MAT2A: variants seen among roughly 807,000 people sequenced by gnomAD.
MAT2A encodes methionine adenosyltransferase 2A, also known as S-adenosylmethionine synthase isoform type-2.
In MAT2A, 3 loss-of-function variants were observed where a neutral mutation model predicts 43.9. That is an observed-to-expected ratio of 0.07 (90% CI 0.03 to 0.18). The LOEUF is 0.18. Ranked by LOEUF, MAT2A falls within the 10% of genes least tolerant of loss-of-function variation. The probability of loss-of-function intolerance (pLI) is 1.00; values close to 1 mark genes in which losing one functional copy is unlikely to be tolerated. For synonymous variants in MAT2A, 200 were observed against 168.4 expected, an observed-to-expected ratio of 1.19 and a Z score of -1.45; for missense variants, 204 against 489.0, an observed-to-expected ratio of 0.42 and a Z score of 5.50.
intron 1 of MAT2A, 32 bp from the exon 2 acceptor site, chr2:85,541,051 A>C: frequency 6.5e-7 from 1 of 1,537,550 alleles, no homozygotes; most frequent in Non-Finnish European, 9.0e-7. Flanking sequence ...TTTAAAGTTA[A>C]AGAAACTGAG....
Position 85,544,955 on chromosome 2 carries a change from C to G in MAT2A, c.*1183C>G, listed in dbSNP as rs1425680790. On this transcript the variant is annotated 3_prime_UTR_variant, in exon 9 of 9. Coordinates refer to ENST00000306434, the MANE Select transcript of MAT2A (RefSeq NM_005911.6). ...TTTAAAAGATTTTTTTTTTTTCTCT[C>G]AACACCATGATTCCTTTAACAACAT... 1 of 151,890 alleles carries G rather than the reference C, an allele frequency of 6.6e-6. No homozygotes were observed. Among genetic ancestry groups the G allele is most frequent in the Non-Finnish European group, 1.5e-5 (1 of 67,922 alleles). 9.4% of individuals were successfully genotyped at this position (151,890 alleles called of 1,614,324 possible).
rs1279278277 is a variant in MAT2A, at chr2:85,542,105, AC to A, written c.550-49del. On this transcript the variant is annotated intron_variant, in intron 5 of 8. Coordinates refer to ENST00000306434, the MANE Select transcript of MAT2A (RefSeq NM_005911.6). Reference sequence around the variant, plus strand: ...TGTAACTTCAGGTAGAGAAACAAATACAAAGTTATTGTTTGGTGTGATGTTC... The same window carrying A: ...TGTAACTTCAGGTAGAGAAACAAATAAAAGTTATTGTTTGGTGTGATGTTC... The A allele has an allele frequency of 2.5e-6, 4 of 1,586,064 alleles. No individual in the cohort carries two copies. In the African/African-American group the frequency reaches 5.4e-5, roughly 21 times the overall value.
chr2:85,539,735 C>T (rs892417864), intron 1 of MAT2A: 1 of 166,742 alleles, frequency 6.0e-6, no homozygotes, highest in Non-Finnish European at 1.3e-5. Flanking sequence ...TCTGACAAAC[C>T]TGGAGTGGGC....
Position 85,541,879 on chromosome 2 carries a change from A to T in MAT2A, c.456A>T (p.Leu152Phe). 6.2e-7 allele frequency: 1 copy of T among 1,614,252 alleles called. No individual in the cohort carries two copies. The highest frequency in any genetic ancestry group is 8.5e-7 in the Non-Finnish European group (1 of 1,180,032). ...ATDETEECMPLTIVLAHKLNA... is the reference protein window; with the variant it reads ...ATDETEECMPFTIVLAHKLNA... ...ATGAAACTGAGGAGTGTATGCCTTT[A>T]ACCATTGTCTTGGCACACAAGCTAA... The change falls in exon 5 of 9, where the codon TTA (leucine) becomes TTT (phenylalanine). Residue 152 changes from leucine to phenylalanine, a missense_variant. Around this residue, in one of 6 missense-constraint regions of MAT2A, gnomAD observed 103 missense variants for 226.4 expected, o/e 0.45. Coordinates refer to ENST00000306434, the MANE Select transcript of MAT2A (RefSeq NM_005911.6).
chr2:85,541,640 C>T lies in MAT2A; in HGVS notation c.300C>T (p.Asp100=). The T allele has an allele frequency of 6.2e-7, 1 of 1,605,144 alleles. No individual in the cohort carries two copies. The highest frequency in any genetic ancestry group is 1.3e-5 in the African/African-American group (1 of 74,564). The change falls in exon 4 of 9, where the codon GAC becomes GAT. Residue 100 remains aspartate, a synonymous_variant. Transcript: ENST00000306434. ...TGTGTTTTTTGCTTATAGGTTTTGA[C>T]TACAAGACTTGTAACGTGCTGGTAG... The part of the protein sequence containing the change: ...IGYDDSSKGF[D]YKTCNVLVAL...
rs530858793 is a variant in MAT2A, at chr2:85,544,802, C to T, written c.*1030C>T. On this transcript the variant is annotated 3_prime_UTR_variant, in exon 9 of 9. Coordinates refer to ENST00000306434, the MANE Select transcript of MAT2A (RefSeq NM_005911.6). ...GTGTAGCTACAGAGAAACCAGCTTC[C>T]TTCAGAGAGCAGTGCTTTTGGCGGG... 1 of 152,756 alleles carries T rather than the reference C, an allele frequency of 6.5e-6. No homozygotes were observed. Among genetic ancestry groups the T allele is most frequent in the East Asian group, 1.9e-4 (1 of 5,194 alleles). The allele number at this position is 152,756 out of a possible 1,614,324, so 9.5% of individuals were successfully genotyped here. A position where few individuals can be genotyped will look rare whatever the true frequency, so the allele number is the denominator to read the frequency against.
chr2:85,542,852 A>C (rs2043675), intron 7 of MAT2A, 49 bp from the exon 8 acceptor site: 17 of 1,594,570 alleles, frequency 1.1e-5, no homozygotes, highest in Middle Eastern at 1.8e-4. Flanking sequence ...TTATACAAGT[A>C]TATGGGTCTT....
In MAT2A at chr2:85,541,821, T is replaced by C; in HGVS notation, c.406-8T>C. ...GCTTGATCACATTGGTGACTTTTCT[T>C]TCTTTAGGGCTTAATGTTTGGCTAT... On this transcript the variant is annotated splice_polypyrimidine_tract_variant and splice_region_variant and intron_variant, in intron 4 of 8. Coordinates refer to ENST00000306434, the MANE Select transcript of MAT2A (RefSeq NM_005911.6). The C allele has an allele frequency of 9.9e-6, 16 of 1,613,858 alleles. No individual in the cohort carries two copies. The highest frequency in any genetic ancestry group is 1.4e-5 in the Non-Finnish European group (16 of 1,179,760).
In MAT2A at chr2:85,545,024, C is replaced by G. The variant is rs1033223988; in HGVS notation, c.*1252C>G. On this transcript the variant is annotated 3_prime_UTR_variant, in exon 9 of 9. Transcript: ENST00000306434. ...TAGGCCAAGGTGTCCTACAGAAAAA[C>G]CTTGGGTTAGACCTACAGGGGGTCT... The G allele has an allele frequency of 6.6e-6, 1 of 152,002 alleles. No homozygotes were observed. The allele number at this position is 152,002 out of a possible 1,614,324, so 9.4% of individuals were successfully genotyped here.
At chr2:85,542,849 A>T in intron 7 of MAT2A, 52 bp from the exon 8 acceptor site, 5 of 1,586,228 alleles carry the variant, frequency 3.2e-6, no homozygotes, top group Non-Finnish European at 4.3e-6. Flanking sequence ...GTATTATACA[A>T]GTATATGGGT....
Position 85,539,312 on chromosome 2 carries a change from C to T in MAT2A, c.25C>T (p.His9Tyr), listed in dbSNP as rs909244613. The change falls in exon 1 of 9, where the codon CAC becomes TAC. Residue 9 changes from histidine (H) to tyrosine (Y), a missense_variant. Around this residue, in one of 6 missense-constraint regions of MAT2A, gnomAD observed 36 missense variants for 24.2 expected, o/e 1.49. Transcript: ENST00000306434. MNGQLNGF[H>Y]EAFIEEGTFL... The stretch of plus-strand genomic sequence containing the variant: ...CATGAACGGACAGCTCAACGGCTTC[C>T]ACGAGGCGTTCATCGAGGAGGGCAC... 5 of 1,605,890 alleles carry T rather than the reference C, an allele frequency of 3.1e-6. No individual in the cohort carries two copies. The highest frequency in any genetic ancestry group is 4.2e-6 in the Non-Finnish European group (5 of 1,176,786).
At chr2:85,541,774 T>C in intron 4 of MAT2A, 29 bp downstream of exon 4, 1 of 1,613,690 alleles carries the variant, frequency 6.2e-7, no homozygotes, top group Middle Eastern at 1.6e-4. Context: ...TGTTTTAATC[T>C]CTTCTAACAT....
At chr2:85,541,607 C>A in intron 3 of MAT2A, 26 bp from the exon 4 acceptor site, 2 of 1,538,464 alleles carry the variant, frequency 1.3e-6, no homozygotes, top group Non-Finnish European at 8.9e-7. Context: ...AGGACGTAAA[C>A]AAGATGTTGT....
intron 8 of MAT2A, chr2:85,543,338 T>G (rs1439504320): frequency 2.4e-6 from 1 of 411,048 alleles, no homozygotes; most frequent in African/African-American, 2.0e-5. Context: ...GCTCAAGGTT[T>G]GTTGCAATGT....
At chr2:85,543,525 G>A in intron 8 of MAT2A, 145 bp from the exon 9 acceptor site, 2 of 608,474 alleles carry the variant, frequency 3.3e-6, no homozygotes, top group South Asian at 2.1e-5. Context: ...TGGACACCAG[G>A]GAAGTAACAC....
intron 1 of MAT2A, 33 bp from the exon 2 acceptor site, chr2:85,541,050 A>T: frequency 6.6e-7 from 1 of 1,526,604 alleles, no homozygotes. Context: ...GTTTAAAGTT[A>T]AAGAAACTGA....
At chr2:85,539,554 C>T in intron 1 of MAT2A, 176 bp downstream of exon 1, 1 of 488,030 alleles carries the variant, frequency 2.0e-6, no homozygotes, top group Non-Finnish European at 3.6e-6. Context: ...CGCGTGGCCG[C>T]CGCTCCTCTT....
chr2:85,543,452 G>T, intron 8 of MAT2A: 1 of 457,106 alleles, frequency 2.2e-6, no homozygotes, highest in South Asian at 4.0e-5. Flanking sequence ...ACAAGTTTTC[G>T]TATTTGTTGA....
Position 85,541,751 on chromosome 2 carries a change from T to G in MAT2A, c.405+6T>G. On this transcript the variant is annotated splice_donor_region_variant and intron_variant, in intron 4 of 8. Transcript: ENST00000306434. ...ACATTGGTGCTGGAGACCAGGTATC[T>G]TGGTGTAGAGGCTGTTTTAATCTCT... is the stretch of plus-strand genomic sequence containing the variant. 1 of 1,613,936 alleles carries G rather than the reference T, an allele frequency of 6.2e-7. No individual in the cohort carries two copies. Among genetic ancestry groups the G allele is most frequent in the Non-Finnish European group, 8.5e-7 (1 of 1,179,782 alleles).
Sources: gnomAD v4.1 joint callset for allele counts on GRCh38, gnomAD v4.1.1 for gene constraint, gnomAD v4.1.1 regional missense constraint, MANE v1.5 for transcripts, NCBI Gene and HGNC (gene_info 2026-07-23, HGNC 2026-07-21) for gene names.